Variants in MICAL3 observed in about 807,000 individuals in gnomAD.
The protein encoded by MICAL3 is [F-actin]-monooxygenase MICAL3.
In MICAL3, 62 loss-of-function variants were observed where a neutral mutation model predicts 207.4. That is an observed-to-expected ratio of 0.30 (90% confidence interval 0.24 to 0.37). The LOEUF (loss-of-function observed/expected upper bound fraction) is 0.37. Ranked by LOEUF, MICAL3 falls within the 10% of genes least tolerant of loss-of-function variation. MICAL3 has a pLI of 1.00. For missense variants in MICAL3, 2,368 were observed against 2,635.6 expected (o/e 0.90, Z 2.22); for synonymous variants, 1,077 against 1,069.3 (o/e 1.01, Z -0.14).
intron 1 of MICAL3, among the ~76,000 whole-genome samples, chr22:18,016,970 C>T (rs1001625157): frequency 2.6e-5 from 4 of 151,888 alleles, no homozygotes; most frequent in African/African-American, 9.7e-5. Context: ...TTTCTTTCTG[C>T]AGTATTCAAA....
intron 1 of MICAL3, among the ~76,000 whole-genome samples, chr22:18,022,822 T>C (rs1056886442): frequency 6.6e-6 from 1 of 152,128 alleles, no homozygotes; most frequent in Non-Finnish European, 1.5e-5. Flanking sequence ...TAGGCAGCCA[T>C]GAAGTCCACA....
In MICAL3 at chr22:17,865,657, GTCT is replaced by G. The variant is rs1480852615; in HGVS notation, c.2517+264_2517+266del. 3.9e-5 allele frequency among the ~76,000 whole-genome samples: 6 copies of G among 152,250 alleles called. No homozygotes were observed. The East Asian group carries it at 1.2e-3, about 29-fold the overall frequency. Reference sequence around the variant, plus strand: ...AAGATGTGTGTTGACGAAGGCAGATGTCTACGCAGCTGAGATGGAGAGCTGCAT... The same window carrying G: ...AAGATGTGTGTTGACGAAGGCAGATGACGCAGCTGAGATGGAGAGCTGCAT... On this transcript the variant is annotated intron_variant, in intron 18 of 31. Coordinates refer to ENST00000441493, the MANE Select transcript of MICAL3 (RefSeq NM_015241.3).
intron 1 of MICAL3, among the ~76,000 whole-genome samples, chr22:17,927,680 C>T (rs1932985525): frequency 6.6e-6 from 1 of 152,278 alleles, no homozygotes; most frequent in African/African-American, 2.4e-5. Flanking sequence ...ACTTTCCCCA[C>T]CCGTGCACAC....
At chr22:17,968,559 A>T (rs1935256535) in intron 1 of MICAL3, among the ~76,000 whole-genome samples, 1 of 152,206 alleles carries the variant, frequency 6.6e-6, no homozygotes, top group African/African-American at 2.4e-5. Context: ...GGATGTAATG[A>T]TTTTGAGGTG....
At chr22:17,881,406 G>A (rs1227232994) in intron 16 of MICAL3, 19 of 932,814 alleles carry the variant, frequency 2.0e-5, no homozygotes, top group Admixed American at 2.4e-5. Context: ...AAGCACCCCA[G>A]GGAGGCCTTT....
chr22:17,834,477 A>G (rs1259048433), intron 20 of MICAL3: 36 of 1,274,042 alleles, frequency 2.8e-5, no homozygotes, highest in Non-Finnish European at 3.7e-5. Context: ...GCACTGTGGG[A>G]GGCTGAGGTG....
chr22:17,882,037 G>A (rs74647841), intron 16 of MICAL3, among the ~76,000 whole-genome samples: 1,656 of 152,302 alleles, frequency 0.011, 17 homozygotes, highest in Non-Finnish European at 0.016. Flanking sequence ...GGTGACCCAT[G>A]GGGCAGCATG....
At chr22:18,010,391 T>C (rs1047535051) in intron 1 of MICAL3, among the ~76,000 whole-genome samples, 1 of 152,174 alleles carries the variant, frequency 6.6e-6, no homozygotes, top group African/African-American at 2.4e-5. Context: ...CTGAGAGCTG[T>C]GCAGAGGACA....
chr22:17,985,935 C>T (rs1157198628), intron 1 of MICAL3, among the ~76,000 whole-genome samples: 1 of 151,718 alleles, frequency 6.6e-6, no homozygotes, highest in Admixed American at 6.5e-5. Context: ...TTGAGACAGT[C>T]TCACTCTGTC....
At chr22:17,871,715 G>T in intron 17 of MICAL3, 122 bp downstream of exon 17, 1 of 821,868 alleles carries the variant, frequency 1.2e-6, no homozygotes, top group Non-Finnish European at 1.9e-6. Flanking sequence ...AAGGCTGGGA[G>T]AGGCATGATG....
Position 17,976,561 on chromosome 22 carries a change from GTATA to G in MICAL3, c.-75+47716_-75+47719del, listed in dbSNP as rs751076102. 3.2e-3 allele frequency among the ~76,000 whole-genome samples: 258 copies of G among 80,004 alleles called. 4 individuals carry two copies. The highest frequency in any genetic ancestry group is 0.012 in the African/African-American group (199 of 17,224). 52.5% of individuals were successfully genotyped at this position (80,004 alleles called of 152,430 possible). On this transcript the variant is annotated intron_variant, in intron 1 of 31. Transcript: ENST00000441493. Reference sequence around the variant, plus strand: ...TGTGTGTGTGTGTGTGTGTGTGTGTGTATATATATATATATATATATATATATAT... The same window carrying G: ...TGTGTGTGTGTGTGTGTGTGTGTGTGTATATATATATATATATATATATAT...
intron 19 of MICAL3, among the ~76,000 whole-genome samples, chr22:17,855,342 T>C (rs1321987138): frequency 6.6e-6 from 1 of 152,234 alleles, no homozygotes; most frequent in East Asian, 1.9e-4. Flanking sequence ...GGACTGTGAA[T>C]GGCAGCTGTG....
intron 1 of MICAL3, among the ~76,000 whole-genome samples, chr22:17,990,576 C>T (rs424085): frequency 0.23 from 35,350 of 152,010 alleles, 4,735 homozygotes; most frequent in East Asian, 0.51. Context: ...AACACACTCC[C>T]GGTCACACAC....
chr22:17,820,624 G>A (rs1007161676), intron 25 of MICAL3, among the ~76,000 whole-genome samples: 1 of 152,090 alleles, frequency 6.6e-6, no homozygotes, highest in African/African-American at 2.4e-5. Flanking sequence ...AAAGTGCTGG[G>A]ATTACAGGCG....
In MICAL3 at chr22:17,798,043, T is replaced by G. The variant is rs1335206792; in HGVS notation, c.5651-6742A>C. ...CCAAAAGAGGGCCAATGAGGGAGAC[T>G]TCTAGAGCCCAGAGGCCCCAGCCTG... is the stretch of plus-strand genomic sequence containing the variant. On this transcript the variant is annotated intron_variant, in intron 29 of 31. Transcript: ENST00000441493. Among the ~76,000 whole-genome samples, 53 of 152,170 alleles carry G rather than the reference T, an allele frequency of 3.5e-4. 1 individual carries two copies. The highest frequency in any genetic ancestry group is 3.5e-3 in the Admixed American group (53 of 15,286).
At chr22:18,012,473 G>C (rs985666535) in intron 1 of MICAL3, among the ~76,000 whole-genome samples, 6 of 152,192 alleles carry the variant, frequency 3.9e-5, no homozygotes, top group African/African-American at 1.4e-4. Flanking sequence ...AGACCAAGGC[G>C]ATAGTGGTGG....
chr22:17,875,681 GTA>G, intron 16 of MICAL3: 2 of 87,026 alleles, frequency 2.3e-5, no homozygotes, highest in Non-Finnish European at 3.8e-5. Context: ...ACCATGTATA[GTA>G]AAAAAAAAAA....
chr22:17,938,023 G>T (rs996152126), intron 1 of MICAL3, among the ~76,000 whole-genome samples: 1 of 152,162 alleles, frequency 6.6e-6, no homozygotes, highest in Non-Finnish European at 1.5e-5. Flanking sequence ...TCTGTCGGCC[G>T]TGTCTTGCTG....
At chr22:18,021,149 C>T (rs1270133867) in intron 1 of MICAL3, among the ~76,000 whole-genome samples, 1 of 152,202 alleles carries the variant, frequency 6.6e-6, no homozygotes, top group Admixed American at 6.5e-5. Context: ...GACATTTTCC[C>T]CCAGTGGCCT....
Sources: gnomAD v4.1 joint callset for allele counts (sites outside exome capture counted in the v4.1 genomes callset) on GRCh38, gnomAD v4.1.1 for gene constraint, MANE v1.5 for transcripts, NCBI Gene and HGNC (gene_info 2026-07-23, HGNC 2026-07-21) for gene names.